PKIG: variants seen among roughly 807,000 people sequenced by gnomAD.
PKIG encodes the protein protein kinase (cAMP-dependent, catalytic) inhibitor gamma.
A neutral mutation model predicts 6.8 loss-of-function variants in PKIG; 1 was observed. The observed-to-expected ratio is 0.15, with a 90% CI of 0.05 to 0.69. PKIG has a LOEUF of 0.69. Among genes scored for constraint, PKIG ranks in the 30% least tolerant of loss-of-function variants. The probability of loss-of-function intolerance (pLI) is 0.82; values close to 1 mark genes in which losing one functional copy is unlikely to be tolerated. For missense variants in PKIG, 77 were observed against 104.0 expected, an observed-to-expected ratio of 0.74 and a Z score of 1.13; for synonymous variants, 39 against 43.0, an observed-to-expected ratio of 0.91 and a Z score of 0.36.
In PKIG at chr20:44,568,607, C is replaced by T. The variant is rs1002392645; in HGVS notation, c.-240-13978C>T. Among the ~76,000 whole-genome samples the T allele has an allele frequency of 5.3e-5, 8 of 152,154 alleles. No homozygotes were observed. The South Asian group carries it at 1.5e-3, about 28-fold the overall frequency. On this transcript the variant is annotated intron_variant, in intron 1 of 4. Coordinates refer to the PKIG transcript ENST00000372887. ...CTGAGATTACAGGCACCTGCCACCG[C>T]GCCTGGCTAATTTTTGTAATTTTAG...
At chr20:44,556,218 T>G (rs1310965967) in intron 1 of PKIG, among the ~76,000 whole-genome samples, 2 of 152,226 alleles carry the variant, frequency 1.3e-5, no homozygotes, top group African/African-American at 2.4e-5. Context: ...AATCTTTTTA[T>G]TTTCTGTTCT....
chr20:44,590,729 G>A, intron 2 of PKIG, among the ~76,000 whole-genome samples: 1 of 152,186 alleles, frequency 6.6e-6, no homozygotes, highest in Non-Finnish European at 1.5e-5. Flanking sequence ...CTCCATAGCT[G>A]GAATTTTCAC....
At chr20:44,573,286 C>G (rs1162722717) in intron 1 of PKIG, among the ~76,000 whole-genome samples, 1 of 152,256 alleles carries the variant, frequency 6.6e-6, no homozygotes, top group Non-Finnish European at 1.5e-5. Context: ...CTCTCTCTCT[C>G]TTTAAAATTC....
At chr20:44,585,427 G>A (rs1229929124) in intron 1 of PKIG, among the ~76,000 whole-genome samples, 1 of 152,178 alleles carries the variant, frequency 6.6e-6, no homozygotes, top group Admixed American at 6.5e-5. Context: ...ACAGGGCTGG[G>A]CATCTTGCAT....
intron 1 of PKIG, among the ~76,000 whole-genome samples, chr20:44,555,909 C>T (rs183944545): frequency 5.3e-4 from 80 of 152,324 alleles, no homozygotes; most frequent in Admixed American, 4.4e-3. Flanking sequence ...GGCGTGATCT[C>T]TGCTCACGGC....
intron 2 of PKIG, among the ~76,000 whole-genome samples, chr20:44,600,314 T>C (rs540915998): frequency 2.4e-3 from 369 of 152,134 alleles, no homozygotes; most frequent in Non-Finnish European, 4.5e-3. Context: ...TTTCACTAGA[T>C]GTGAAATAGA....
At chr20:44,566,869 A>G (rs1247642800) in intron 1 of PKIG, among the ~76,000 whole-genome samples, 1 of 152,150 alleles carries the variant, frequency 6.6e-6, no homozygotes, top group Non-Finnish European at 1.5e-5. Context: ...AAATAAAAAT[A>G]TGCTAGTCCC....
intron 2 of PKIG, among the ~76,000 whole-genome samples, chr20:44,611,381 A>G (rs1052898019): frequency 2.6e-5 from 4 of 151,666 alleles, no homozygotes; most frequent in Non-Finnish European, 4.4e-5. Flanking sequence ...AACCATCACC[A>G]TACTGTACAA....
chr20:44,568,953 G>A (rs2064832261), intron 1 of PKIG, among the ~76,000 whole-genome samples: 2 of 152,172 alleles, frequency 1.3e-5, no homozygotes. Context: ...CACATCTATA[G>A]TGGTTTCTCT....
intron 1 of PKIG, among the ~76,000 whole-genome samples, chr20:44,556,408 G>C (rs981908973): frequency 2.6e-5 from 4 of 152,088 alleles, no homozygotes; most frequent in Non-Finnish European, 5.9e-5. Flanking sequence ...TGTCACCCAG[G>C]CTGGAATGCA....
chr20:44,617,282 G>A (rs546462736), intron 3 of PKIG, among the ~76,000 whole-genome samples: 1 of 152,246 alleles, frequency 6.6e-6, no homozygotes, highest in South Asian at 2.1e-4. Context: ...AGCTTGTAGG[G>A]CACCTAGTAA....
intron 1 of PKIG, among the ~76,000 whole-genome samples, chr20:44,551,103 C>A (rs1280101896): frequency 1.3e-5 from 2 of 152,020 alleles, no homozygotes; most frequent in Non-Finnish European, 2.9e-5. Context: ...TGCTCTGTCG[C>A]CCAGGCTGGA....
intron 1 of PKIG, among the ~76,000 whole-genome samples, chr20:44,537,262 G>A (rs1160893093): frequency 1.7e-4 from 25 of 151,172 alleles, no homozygotes; most frequent in African/African-American, 5.1e-4. Context: ...GCGCCACCAC[G>A]CCCGGCTAAT....
At chr20:44,612,134 G>C (rs533502421) in intron 2 of PKIG, among the ~76,000 whole-genome samples, 1 of 152,266 alleles carries the variant, frequency 6.6e-6, no homozygotes, top group Admixed American at 6.5e-5. Flanking sequence ...TATATACCTA[G>C]TAGTGGGATT....
At chr20:44,534,249 G>A (rs576195072) in intron 1 of PKIG, among the ~76,000 whole-genome samples, 39 of 152,234 alleles carry the variant, frequency 2.6e-4, no homozygotes, top group Admixed American at 1.2e-3. Flanking sequence ...TGAGAAGGTG[G>A]GAGTGGAGGA....
At chr20:44,564,880 T>C (rs890362443) in intron 1 of PKIG, among the ~76,000 whole-genome samples, 16 of 152,242 alleles carry the variant, frequency 1.1e-4, no homozygotes, top group African/African-American at 3.6e-4. Context: ...TTCACATTCC[T>C]ATCATTGTTC....
chr20:44,596,784 T>C (rs1288194314), intron 2 of PKIG, among the ~76,000 whole-genome samples: 1 of 152,152 alleles, frequency 6.6e-6, no homozygotes, highest in African/African-American at 2.4e-5. Flanking sequence ...TCTGAAGGGC[T>C]TCACTCACCC....
chr20:44,579,467 A>G (rs973116002), upstream of PKIG, among the ~76,000 whole-genome samples: 2 of 152,234 alleles, frequency 1.3e-5, no homozygotes, highest in African/African-American at 4.8e-5. Context: ...GTTAGAGTGC[A>G]GGCTCTGCCC....
At chr20:44,573,448 C>T (rs544562320) in intron 1 of PKIG, among the ~76,000 whole-genome samples, 3 of 152,192 alleles carry the variant, frequency 2.0e-5, no homozygotes, top group African/African-American at 4.8e-5. Flanking sequence ...TGGATTCTTG[C>T]GCAAGTTACG....
Sources: gnomAD v4.1 joint callset for allele counts (sites outside exome capture counted in the v4.1 genomes callset) on GRCh38, gnomAD v4.1.1 for gene constraint, MANE v1.5 for transcripts, NCBI Gene and HGNC (gene_info 2026-07-23, HGNC 2026-07-21) for gene names.